Variants in FAXC observed in about 807,000 individuals in gnomAD.
FAXC encodes the protein failed axon connections homolog, metaxin like GST domain containing.
In FAXC, 10 loss-of-function variants were observed where a neutral mutation model predicts 41.9. The ratio of observed to expected loss-of-function variants is 0.24; its 90% CI spans 0.15 to 0.41. The LOEUF is 0.41. Among genes scored for constraint, FAXC ranks in the 10% least tolerant of loss-of-function variants. FAXC has a pLI of 1.00. For synonymous variants in FAXC, 183 were observed against 183.8 expected, an observed-to-expected ratio of 1.00 and a Z score of 0.03; for missense variants, 399 against 510.9, an observed-to-expected ratio of 0.78 and a Z score of 2.11.
At chr6:99,301,819 T>C (rs1771720257) in intron 4 of FAXC, among the ~76,000 whole-genome samples, 2 of 152,166 alleles carry the variant, frequency 1.3e-5, no homozygotes, top group South Asian at 2.1e-4. Context: ...TATGACAACC[T>C]CTTCTGACAA....
intron 2 of FAXC, among the ~76,000 whole-genome samples, chr6:99,335,408 C>A (rs1562183105): frequency 6.6e-6 from 1 of 152,224 alleles, no homozygotes; most frequent in Non-Finnish European, 1.5e-5. Context: ...AACTGTTGGA[C>A]ATGCTCACAG....
At chr6:99,287,336 T>C (rs1771064882) in intron 5 of FAXC, among the ~76,000 whole-genome samples, 1 of 152,162 alleles carries the variant, frequency 6.6e-6, no homozygotes, top group Non-Finnish European at 1.5e-5. Context: ...ATATCAGCAA[T>C]TGTTCTCTGT....
At chr6:99,343,689 C>T (rs1403394347) in intron 1 of FAXC, among the ~76,000 whole-genome samples, 1 of 152,180 alleles carries the variant, frequency 6.6e-6, no homozygotes, top group African/African-American at 2.4e-5. Flanking sequence ...AATAACAGTG[C>T]AGATTTGCTC....
intron 3 of FAXC, 143 bp downstream of exon 3, chr6:99,333,208 A>C: frequency 1.5e-6 from 1 of 670,222 alleles, no homozygotes; most frequent in Non-Finnish European, 2.5e-6. Flanking sequence ...TCACAGTCAT[A>C]ATAACTTTGA....
intron 2 of FAXC, among the ~76,000 whole-genome samples, chr6:99,341,021 G>A (rs1407462597): frequency 6.6e-6 from 1 of 152,082 alleles, no homozygotes; most frequent in Non-Finnish European, 1.5e-5. Context: ...TGGGATCAGG[G>A]CTGGGAAGAA....
intron 3 of FAXC, among the ~76,000 whole-genome samples, chr6:99,332,457 T>A (rs987762274): frequency 4.6e-5 from 7 of 152,166 alleles, no homozygotes; most frequent in Admixed American, 1.3e-4. Flanking sequence ...TACTGGGGTG[T>A]AGAGAAAGGT....
chr6:99,276,379 G>A lies in FAXC; in HGVS notation c.*4785C>T, dbSNP rs1019897185. The A allele has an allele frequency of 1.2e-4, 18 of 152,120 alleles. No homozygotes were observed. Among genetic ancestry groups the A allele is most frequent in the African/African-American group, 2.2e-4 (9 of 41,422 alleles). 9.4% of individuals were successfully genotyped at this position (152,120 alleles called of 1,614,324 possible). On this transcript the variant is annotated 3_prime_UTR_variant, in exon 6 of 6. Coordinates refer to ENST00000389677, the MANE Select transcript of FAXC (RefSeq NM_032511.4). ...CTGGTTGCCCTATCCATGCAGAAGC[G>A]GTGGGTTTCAGGGCTGAAAGGAAGC... is the stretch of plus-strand genomic sequence containing the variant.
At chr6:99,340,338 C>G (rs1320701469) in intron 2 of FAXC, among the ~76,000 whole-genome samples, 1 of 151,966 alleles carries the variant, frequency 6.6e-6, no homozygotes, top group Non-Finnish European at 1.5e-5. Flanking sequence ...TGACCTCAGA[C>G]GATCCACCAG....
chr6:99,272,642 A>T lies in FAXC; in HGVS notation c.*8522T>A, dbSNP rs1191050533. ...GGCACACTGGGCATGAAATAAAAGC[A>T]GGAGAGGATGGGACAGCATATTCCA... On this transcript the variant is annotated 3_prime_UTR_variant, in exon 6 of 6. Transcript: ENST00000389677. The T allele has an allele frequency of 1.3e-5, 2 of 152,182 alleles. No individual in the cohort carries two copies. The highest frequency in any genetic ancestry group is 4.8e-5 in the African/African-American group (2 of 41,462). 9.4% of individuals were successfully genotyped at this position (152,182 alleles called of 1,614,324 possible).
At chr6:99,302,867 T>C (rs533880459) in intron 4 of FAXC, among the ~76,000 whole-genome samples, 2 of 151,352 alleles carry the variant, frequency 1.3e-5, no homozygotes, top group Non-Finnish European at 2.9e-5. Flanking sequence ...TAATTTACTT[T>C]AAAATACTTC....
At chr6:99,294,373 G>A (rs1771389551) in intron 4 of FAXC, among the ~76,000 whole-genome samples, 1 of 152,244 alleles carries the variant, frequency 6.6e-6, no homozygotes, top group South Asian at 2.1e-4. Flanking sequence ...AAACTGCACA[G>A]GAGCTCTCCT....
intron 4 of FAXC, among the ~76,000 whole-genome samples, chr6:99,312,051 T>C (rs1008484357): frequency 3.3e-5 from 5 of 152,210 alleles, no homozygotes; most frequent in Non-Finnish European, 7.3e-5. Flanking sequence ...CACACTAGTT[T>C]GGCCATTTTT....
chr6:99,282,195 T>G (rs1308148481), intron 5 of FAXC, among the ~76,000 whole-genome samples: 1 of 152,218 alleles, frequency 6.6e-6, no homozygotes, highest in African/African-American at 2.4e-5. Flanking sequence ...GCTAATGCTG[T>G]GATTGGTTCA....
At chr6:99,286,419 A>G (rs756641620) in intron 5 of FAXC, among the ~76,000 whole-genome samples, 5 of 152,190 alleles carry the variant, frequency 3.3e-5, no homozygotes, top group Non-Finnish European at 7.3e-5. Flanking sequence ...GTAAGAGTGC[A>G]GGAGTGAGGA....
In FAXC at chr6:99,271,196, C is replaced by T. The variant is rs1335207800; in HGVS notation, c.*9968G>A. The T allele has an allele frequency of 6.6e-6, 1 of 152,206 alleles. No individual in the cohort carries two copies. The highest frequency in any genetic ancestry group is 1.9e-4 in the East Asian group (1 of 5,188). The allele number at this position is 152,206 out of a possible 1,614,324, so 9.4% of individuals were successfully genotyped here. A position where few individuals can be genotyped will look rare whatever the true frequency, so the allele number is the denominator to read the frequency against. ...CAGCAAAACATGTATTTTAACGACTCTGAGATCACAGCACATTGGAAAGGT... is the reference window on the plus strand; with the variant it reads ...CAGCAAAACATGTATTTTAACGACTTTGAGATCACAGCACATTGGAAAGGT... On this transcript the variant is annotated 3_prime_UTR_variant, in exon 6 of 6. Coordinates refer to ENST00000389677, the MANE Select transcript of FAXC (RefSeq NM_032511.4).
intron 1 of FAXC, among the ~76,000 whole-genome samples, chr6:99,347,359 G>A (rs1379862222): frequency 3.3e-5 from 5 of 150,818 alleles, no homozygotes; most frequent in Middle Eastern, 3.4e-3. Context: ...CTGAGATCGA[G>A]CCACTGCACT....
At chr6:99,348,018 TCAAAATATGTACGTTAGGC>T (rs1582698026) in intron 1 of FAXC, among the ~76,000 whole-genome samples, 1 of 152,198 alleles carries the variant, frequency 6.6e-6, no homozygotes, top group East Asian at 1.9e-4. Context: ...TGGGAACTAT[TCAAAATATGTACGTTAGGC>T]CAAATGCCTA....
chr6:99,318,304 C>CAAAAAAA (rs748610778), intron 4 of FAXC, among the ~76,000 whole-genome samples: 6 of 104,040 alleles, frequency 5.8e-5, no homozygotes, highest in Non-Finnish European at 7.0e-5. Flanking sequence ...CACACACACA[C>CAAAAAAA]ACAAAATAGA....
intron 3 of FAXC, among the ~76,000 whole-genome samples, chr6:99,332,438 TTCTC>T (rs1258283702): frequency 6.6e-6 from 1 of 152,178 alleles, no homozygotes; most frequent in Non-Finnish European, 1.5e-5. Context: ...AAGAGAAACT[TTCTC>T]TATCTACTGG....
Sources: allele counts gnomAD v4.1 joint callset (sites outside exome capture counted in the v4.1 genomes callset), GRCh38; gene constraint gnomAD v4.1.1; transcripts MANE v1.5; gene names NCBI Gene and HGNC (gene_info 2026-07-23, HGNC 2026-07-21).